DLGAP2: variants seen among roughly 807,000 people sequenced by gnomAD.
The protein encoded by DLGAP2 is DLG associated protein 2, also known as disks large-associated protein 2.
In DLGAP2, 26 loss-of-function variants were observed where a neutral mutation model predicts 100.3. That is an observed-to-expected ratio of 0.26 (90% confidence interval 0.19 to 0.36). DLGAP2 has a LOEUF of 0.36. Ranked by LOEUF, DLGAP2 falls within the 10% of genes least tolerant of loss-of-function variation. DLGAP2 has a pLI of 1.00. For missense variants in DLGAP2, 1,858 were observed against 1,453.2 expected (o/e 1.28, Z -4.53); for synonymous variants, 886 against 630.1 (o/e 1.41, Z -6.08).
At chr8:1,060,294 C>T (rs143991066) in intron 2 of DLGAP2, among the ~76,000 whole-genome samples, 39 of 151,120 alleles carry the variant, frequency 2.6e-4, no homozygotes, top group African/African-American at 8.8e-4. Flanking sequence ...GATAGATCCC[C>T]TCCCAAGGCG....
At chr8:1,544,480 T>TG (rs1801464378) in intron 4 of DLGAP2, among the ~76,000 whole-genome samples, 1 of 152,194 alleles carries the variant, frequency 6.6e-6, no homozygotes. Flanking sequence ...ATTATCATGT[T>TG]GGGGAAGTTC....
At chr8:1,182,975 A>G (rs563992808) in intron 2 of DLGAP2, among the ~76,000 whole-genome samples, 3 of 152,310 alleles carry the variant, frequency 2.0e-5, no homozygotes, top group East Asian at 3.9e-4. Context: ...GAAGGTAGAC[A>G]TTCGAGCGAG....
At chr8:1,079,009 G>A (rs1229400509) in intron 2 of DLGAP2, among the ~76,000 whole-genome samples, 4 of 152,274 alleles carry the variant, frequency 2.6e-5, no homozygotes, top group African/African-American at 9.6e-5. Context: ...GCACCATTTT[G>A]TACTCCCACC....
intron 2 of DLGAP2, among the ~76,000 whole-genome samples, chr8:1,148,526 T>C (rs900137272): frequency 1.3e-5 from 2 of 151,452 alleles, no homozygotes; most frequent in Admixed American, 6.6e-5. Context: ...TTGTGATTGA[T>C]GTTTAGACTT....
chr8:1,539,545 G>C (rs1357625378), intron 4 of DLGAP2, among the ~76,000 whole-genome samples: 2 of 152,116 alleles, frequency 1.3e-5, no homozygotes, highest in Non-Finnish European at 2.9e-5. Flanking sequence ...GGTGCACTGA[G>C]CCTTGCCAGG....
chr8:1,332,326 G>A (rs996489986), intron 3 of DLGAP2, among the ~76,000 whole-genome samples: 1 of 152,036 alleles, frequency 6.6e-6, no homozygotes, highest in African/African-American at 2.4e-5. Context: ...CTGTATGCGA[G>A]GGTATATGCA....
intron 2 of DLGAP2, among the ~76,000 whole-genome samples, chr8:1,177,269 C>T (rs1227011829): frequency 6.6e-6 from 1 of 152,024 alleles, no homozygotes; most frequent in Non-Finnish European, 1.5e-5. Context: ...CTTGCCATTG[C>T]CCATATTTAT....
intron 1 of DLGAP2, among the ~76,000 whole-genome samples, chr8:772,797 T>C (rs866746936): frequency 1.3e-5 from 2 of 152,324 alleles, no homozygotes; most frequent in South Asian, 4.1e-4. Context: ...TCTTGTGGCA[T>C]GCATGGAATT....
At chr8:1,575,398 G>A (rs1300053228) in intron 6 of DLGAP2, among the ~76,000 whole-genome samples, 2 of 151,726 alleles carry the variant, frequency 1.3e-5, no homozygotes, top group Admixed American at 6.6e-5. Flanking sequence ...CTGGGGGTGC[G>A]GAAAATGGAG....
intron 2 of DLGAP2, chr8:1,002,893 C>G (rs540392338): frequency 6.6e-6 from 1 of 152,328 alleles, no homozygotes; most frequent in South Asian, 2.1e-4. Context: ...CACCCCATGT[C>G]CCAACGACTA....
chr8:1,391,893 C>T (rs770931932), intron 3 of DLGAP2, among the ~76,000 whole-genome samples: 11 of 152,380 alleles, frequency 7.2e-5, no homozygotes, highest in Non-Finnish European at 1.5e-4. Flanking sequence ...GCTTGTGCGT[C>T]CACCTTGGAC....
chr8:1,179,565 G>A (rs17753534), intron 2 of DLGAP2, among the ~76,000 whole-genome samples: 5,365 of 152,354 alleles, frequency 0.035, 127 homozygotes, highest in East Asian at 0.15. Flanking sequence ...CAAGACGGTG[G>A]AATTAATTTG....
At chr8:1,173,883 C>G (rs991886918) in intron 2 of DLGAP2, among the ~76,000 whole-genome samples, 1 of 152,224 alleles carries the variant, frequency 6.6e-6, no homozygotes, top group African/African-American at 2.4e-5. Context: ...GGTGCACGCA[C>G]CCACTGACCT....
At chr8:948,188 G>C (rs1348193495) in intron 2 of DLGAP2, among the ~76,000 whole-genome samples, 8 of 152,200 alleles carry the variant, frequency 5.3e-5, no homozygotes, top group Admixed American at 5.2e-4. Context: ...GGGACAACTT[G>C]GGCCGGGAGA....
intron 2 of DLGAP2, among the ~76,000 whole-genome samples, chr8:1,166,293 C>A (rs1481725882): frequency 2.6e-5 from 4 of 152,204 alleles, no homozygotes; most frequent in Non-Finnish European, 4.4e-5. Flanking sequence ...TGCACCACCC[C>A]GTGCTTCCTT....
At chr8:1,298,869 T>C (rs1440268896) in intron 3 of DLGAP2, among the ~76,000 whole-genome samples, 1 of 152,040 alleles carries the variant, frequency 6.6e-6, no homozygotes, top group East Asian at 1.9e-4. Context: ...CGAACTCCCA[T>C]GGGCAATAAC....
At chr8:1,059,781 C>T (rs1048768900) in intron 2 of DLGAP2, among the ~76,000 whole-genome samples, 1 of 152,124 alleles carries the variant, frequency 6.6e-6, no homozygotes, top group African/African-American at 2.4e-5. Context: ...GTGGTGACCG[C>T]AGGAACCACC....
rs140960465 is a variant in DLGAP2 at position 1,295,566 on chromosome 8, C to T, written c.106+36683C>T. Among the ~76,000 whole-genome samples, 454 of 152,304 alleles carry T rather than the reference C, an allele frequency of 3.0e-3. 2 individuals are homozygous for T. The highest frequency in any genetic ancestry group is 4.8e-3 in the Non-Finnish European group (325 of 68,024). On this transcript the variant is annotated intron_variant, in intron 3 of 14. Transcript: ENST00000637795. The stretch of plus-strand genomic sequence containing the variant: ...AGTGGAAGGGGCTCTGGTCAGCCCC[C>T]GCTCCTGGAAACAGCTCTCCACAAA...
At position 1,483,586 on chromosome 8, in the gene DLGAP2, G is replaced by A. The variant is rs371759383; in HGVS notation, c.107-17780G>A. 2.2e-5 allele frequency among the ~76,000 whole-genome samples: 3 copies of A among 139,174 alleles called. No individual in the cohort carries two copies. In the East Asian group the frequency reaches 5.9e-4, roughly 27 times the overall value. 91.3% of individuals were successfully genotyped at this position (139,174 alleles called of 152,430 possible). A position where few individuals can be genotyped will look rare whatever the true frequency, so the allele number is the denominator to read the frequency against. ...GTCTACACAGAGCAGGGAGGCAGGC[G>A]CAGAACGTGAGGACAAGGGAAGGCT... On this transcript the variant is annotated intron_variant, in intron 3 of 14. Transcript: ENST00000637795.
Sources: gnomAD v4.1 joint callset for allele counts (sites outside exome capture counted in the v4.1 genomes callset) on GRCh38, gnomAD v4.1.1 for gene constraint, MANE v1.5 for transcripts, NCBI Gene and HGNC (gene_info 2026-07-23, HGNC 2026-07-21) for gene names.